ATP11A: variants seen among roughly 807,000 people sequenced by gnomAD.
ATP11A encodes phospholipid-transporting ATPase IH.
ATP11A carries 81 observed loss-of-function variants against 154.4 expected under a neutral mutation model. That is an observed-to-expected ratio of 0.52 (90% CI 0.44 to 0.63). The LOEUF (loss-of-function observed/expected upper bound fraction) is 0.63. Ranked by LOEUF, ATP11A falls within the 30% of genes least tolerant of loss-of-function variation. The pLI is 0.00. For synonymous variants in ATP11A, 623 were observed against 585.9 expected, an observed-to-expected ratio of 1.06 and a Z score of -0.91; for missense variants, 1,316 against 1,474.3, an observed-to-expected ratio of 0.89 and a Z score of 1.76.
At chr13:112,703,830 AAC>A (rs1457880810) in intron 1 of ATP11A, among the ~76,000 whole-genome samples, 1 of 152,136 alleles carries the variant, frequency 6.6e-6, no homozygotes, top group East Asian at 1.9e-4. Context: ...TTACAATCCA[AAC>A]ACACAGCATC....
intron 18 of ATP11A, among the ~76,000 whole-genome samples, chr13:112,852,077 G>C (rs1212451698): frequency 6.6e-6 from 1 of 152,204 alleles, no homozygotes; most frequent in Non-Finnish European, 1.5e-5. Context: ...GGGACTGAAA[G>C]TTGTTTGAGG....
At chr13:112,798,486 T>TA (rs2078055434) in intron 2 of ATP11A, among the ~76,000 whole-genome samples, 1 of 152,148 alleles carries the variant, frequency 6.6e-6, no homozygotes, top group South Asian at 2.1e-4. Flanking sequence ...ATAATAGCAT[T>TA]TACTCAGTGG....
intron 2 of ATP11A, among the ~76,000 whole-genome samples, chr13:112,802,206 C>T (rs1294445623): frequency 3.3e-5 from 5 of 152,020 alleles, no homozygotes; most frequent in Non-Finnish European, 5.9e-5. Flanking sequence ...ATTAGCCGGG[C>T]GTGGTGGTGG....
chr13:112,809,375 G>T (rs2078421418), intron 4 of ATP11A, among the ~76,000 whole-genome samples: 1 of 152,176 alleles, frequency 6.6e-6, no homozygotes, highest in Admixed American at 6.5e-5. Context: ...GGAGGTTTTG[G>T]GTTACTTGTT....
At chr13:112,791,334 G>A (rs1367728437) in intron 2 of ATP11A, among the ~76,000 whole-genome samples, 1 of 152,226 alleles carries the variant, frequency 6.6e-6, no homozygotes, top group African/African-American at 2.4e-5. Flanking sequence ...GGGCCGTGAA[G>A]GCATCACCCA....
rs1019194536 is a variant in ATP11A at position 112,883,706 on chromosome 13, T to C, written c.*1840T>C. The C allele has an allele frequency of 1.3e-5, 2 of 152,588 alleles. No individual in the cohort carries two copies. The highest frequency in any genetic ancestry group is 4.8e-5 in the African/African-American group (2 of 41,442). 9.5% of individuals were successfully genotyped at this position (152,588 alleles called of 1,614,324 possible). On this transcript the variant is annotated 3_prime_UTR_variant, in exon 30 of 30. Transcript: ENST00000375645. ...GCAGACAGAACGGGGAAGACTCCAC[T>C]CTGTCCCGAGGGGCCAGCCGCAGGC...
intron 4 of ATP11A, among the ~76,000 whole-genome samples, chr13:112,809,391 T>TC (rs2078422282): frequency 6.6e-6 from 1 of 152,146 alleles, no homozygotes; most frequent in African/African-American, 2.4e-5. Flanking sequence ...TTGTTTATGC[T>TC]CCCTTCGGAG....
intron 1 of ATP11A, among the ~76,000 whole-genome samples, chr13:112,711,076 G>A (rs1887688370): frequency 6.6e-6 from 1 of 151,852 alleles, no homozygotes; most frequent in African/African-American, 2.4e-5. Context: ...TGGCATGTTC[G>A]TATTTGGGGG....
intron 2 of ATP11A, among the ~76,000 whole-genome samples, chr13:112,791,585 G>A (rs762022297): frequency 5.3e-5 from 8 of 152,294 alleles, no homozygotes; most frequent in East Asian, 1.9e-4. Context: ...AGAGCATGGC[G>A]AATTCTGCCT....
intron 29 of ATP11A, among the ~76,000 whole-genome samples, chr13:112,879,487 C>T (rs1413420814): frequency 1.3e-5 from 2 of 152,150 alleles, no homozygotes; most frequent in South Asian, 4.1e-4. Flanking sequence ...TAAATCATGC[C>T]AACTCTGAGC....
rs1206989767 is a variant in ATP11A, at chr13:112,838,063, C to G, written c.1705+1812C>G. Among the ~76,000 whole-genome samples, 1 of 152,150 alleles carries G rather than the reference C, an allele frequency of 6.6e-6. No individual in the cohort carries two copies. The highest frequency in any genetic ancestry group is 2.4e-5 in the African/African-American group (1 of 41,438). On this transcript the variant is annotated intron_variant, in intron 16 of 29. Coordinates refer to ENST00000375645, the MANE Select transcript of ATP11A (RefSeq NM_015205.3). This position sits in a 1 kb window ranked among gnomAD's most constrained non-coding sequence, Gnocchi z 7.3. ...CCACAGTGAGATGTCTACTGATGGT[C>G]ATAGGATGAGGAACAATCTGTGTGT...
intron 12 of ATP11A, among the ~76,000 whole-genome samples, chr13:112,828,660 A>C (rs1035732334): frequency 2.0e-5 from 3 of 152,190 alleles, no homozygotes; most frequent in South Asian, 2.1e-4. Flanking sequence ...TCTTCAGTCC[A>C]TCTCCTTGGA....
At chr13:112,811,479 C>T (rs909076486) in intron 5 of ATP11A, 1 of 152,076 alleles carries the variant, frequency 6.6e-6, no homozygotes, top group Non-Finnish European at 1.5e-5. Context: ...ATTGGAAACA[C>T]TGTTTCTAAA....
chr13:112,763,743 A>G (rs1397857869), intron 1 of ATP11A, among the ~76,000 whole-genome samples: 1 of 152,162 alleles, frequency 6.6e-6, no homozygotes, highest in African/African-American at 2.4e-5. Flanking sequence ...CACTCTTTCA[A>G]GCAGTCGCCA....
chr13:112,870,520 A>G (rs2080481415), intron 25 of ATP11A, among the ~76,000 whole-genome samples: 1 of 152,186 alleles, frequency 6.6e-6, no homozygotes, highest in African/African-American at 2.4e-5. Flanking sequence ...CTGAGATTAC[A>G]GGCAGGCGCC....
At chr13:112,761,697 A>G (rs112757950) in intron 1 of ATP11A, among the ~76,000 whole-genome samples, 80 of 145,252 alleles carry the variant, frequency 5.5e-4, no homozygotes, top group African/African-American at 2.1e-3. Flanking sequence ...TTTGGGTACT[A>G]TCTCGGATTC....
At chr13:112,850,421 A>G (rs1594171738) in intron 17 of ATP11A, among the ~76,000 whole-genome samples, 1 of 152,168 alleles carries the variant, frequency 6.6e-6, no homozygotes, top group Non-Finnish European at 1.5e-5. Context: ...CTCTGCCCCC[A>G]TTCCTTGTGT....
Position 112,884,883 on chromosome 13 carries a change from G to A in ATP11A, c.*3017G>A, listed in dbSNP as rs900933126. 4 of 151,872 alleles carry A rather than the reference G, an allele frequency of 2.6e-5. No individual in the cohort carries two copies. The highest frequency in any genetic ancestry group is 1.9e-4 in the East Asian group (1 of 5,148). 9.4% of individuals were successfully genotyped at this position (151,872 alleles called of 1,614,324 possible). On this transcript the variant is annotated 3_prime_UTR_variant, in exon 30 of 30. Coordinates refer to ENST00000375645, the MANE Select transcript of ATP11A (RefSeq NM_015205.3). ...TCACACCCAGTCCCTGCCACAGACC[G>A]TCTCAGACACGCACAGTGGGCCTGC...
chr13:112,820,509 CG>C (rs1473406170), intron 8 of ATP11A, among the ~76,000 whole-genome samples: 2 of 152,176 alleles, frequency 1.3e-5, no homozygotes, highest in East Asian at 1.9e-4. Flanking sequence ...ATGGACCCAG[CG>C]GCAGTCACAT....
Sources: allele counts gnomAD v4.1 joint callset (sites outside exome capture counted in the v4.1 genomes callset), GRCh38; gene constraint gnomAD v4.1.1; non-coding constraint Gnocchi (gnomAD v3.1); transcripts MANE v1.5; gene names NCBI Gene and HGNC (gene_info 2026-07-23, HGNC 2026-07-21).